TTN: variants seen among roughly 807,000 people sequenced by gnomAD.
TTN encodes titin, also known as connectin.
Under a neutral mutation model 3,223.0 loss-of-function variants are expected in TTN, and 1,525 were observed. The ratio of observed to expected loss-of-function variants is 0.47; its 90% CI spans 0.45 to 0.49. The LOEUF (loss-of-function observed/expected upper bound fraction) is 0.49. Among genes scored for constraint, TTN ranks in the 20% least tolerant of loss-of-function variants. The probability of loss-of-function intolerance (pLI) is 0.00; values close to 1 mark genes in which losing one functional copy is unlikely to be tolerated. For missense variants in TTN, 40,786 were observed against 43,424.0 expected, an observed-to-expected ratio of 0.94 and a Z score of 5.40; for synonymous variants, 14,094 against 15,161.0, an observed-to-expected ratio of 0.93 and a Z score of 5.17.
chr2:178,641,441 G>T, intron 219 of TTN, 126 bp from the exon 220 acceptor site: 1 of 551,930 alleles, frequency 1.8e-6, no homozygotes. Context: ...TAGCACTCTG[G>T]AAAGTAAGCA....
Position 178,593,442 on chromosome 2 carries a change from G to C in TTN, c.58766C>G (p.Thr19589Arg). 6.2e-7 allele frequency: 1 copy of C among 1,612,832 alleles called. No homozygotes were observed. The highest frequency in any genetic ancestry group is 1.1e-5 in the South Asian group (1 of 90,792). ...VPDAPDQPIV[T>R]EVTKDSALVT... ...TAATGCAGAGTCTTTGGTAACTTCT[G>C]TAACAATTGGCTGATCAGGTGCATC... Residue 19589 changes from threonine (T) to arginine (R), a missense_variant, in exon 299 of 363, where the codon ACA becomes AGA. By Grantham distance (71) the Thr-to-Arg change is moderately conservative. Coordinates refer to ENST00000589042, the MANE Select transcript of TTN (RefSeq NM_001267550.2).
At chr2:178,615,106 A>G in intron 259 of TTN, 138 bp from the exon 260 acceptor site, 1 of 991,600 alleles carries the variant, frequency 1.0e-6, no homozygotes, top group Non-Finnish European at 1.5e-6. Context: ...TCAACACTAT[A>G]ACTGAATACA....
In TTN at chr2:178,578,147, A is replaced by G; in HGVS notation, c.68368T>C (p.Trp22790Arg). 5 of 1,613,058 alleles carry G rather than the reference A, an allele frequency of 3.1e-6. No homozygotes were observed. Among genetic ancestry groups the G allele is most frequent in the Non-Finnish European group, 4.2e-6 (5 of 1,179,404 alleles). The change falls in exon 322 of 363, where the codon TGG becomes CGG. Residue 22790 changes from tryptophan (W) to arginine (R), a missense_variant. By Grantham distance (101) the Trp-to-Arg change is moderately radical. Transcript: ENST00000589042. ...LEFKERNSLL[W>R]KRANKTPIRM... ...ATCGGAGTCTTGTTAGCTCTCTTCCACAAAAGGCTGTTTCTTTCCTTGAAC... is the reference window on the plus strand; with the variant it reads ...ATCGGAGTCTTGTTAGCTCTCTTCCGCAAAAGGCTGTTTCTTTCCTTGAAC...
In TTN at chr2:178,577,666, A is replaced by ATTCT; in HGVS notation, c.68756_68759dup (p.Asn22920LysfsTer22). 2 of 1,613,276 alleles carry ATTCT rather than the reference A, an allele frequency of 1.2e-6. No individual in the cohort carries two copies. Among genetic ancestry groups the ATTCT allele is most frequent in the Non-Finnish European group, 1.7e-6 (2 of 1,179,568 alleles). On this transcript the variant is annotated frameshift_variant, in exon 323 of 363. Transcript: ENST00000589042. LOFTEE classifies it high-confidence loss of function. ...ATGGAGCACTGATAGCACCTGCTGT[A>ATTCT]TTCTTTGCTCTAATTCTGAATTCAT...
At position 178,709,623 on chromosome 2, in the gene TTN, A is replaced by T; in HGVS notation, c.28696T>A (p.Cys9566Ser). The change falls in exon 99 of 363, where the codon TGC becomes AGC. Residue 9566 changes from cysteine (C) to serine (S), a missense_variant. Cys to Ser is a moderately radical substitution (Grantham distance 112). Transcript: ENST00000589042. The stretch of plus-strand genomic sequence containing the variant: ...GAGCCTGCATCATTGGACACTTTGC[A>T]TGTGTACAAACCAGCGTCGTTCATG... ...AGMNDAGLYT[C>S]KVSNDAGSAL... The T allele has an allele frequency of 6.2e-7, 1 of 1,613,924 alleles. No individual in the cohort carries two copies. Among genetic ancestry groups the T allele is most frequent in the South Asian group, 1.1e-5 (1 of 91,086 alleles).
rs779957470 is a variant in TTN at position 178,731,218 on chromosome 2, G to C, written c.17462-15C>G. The C allele has an allele frequency of 6.2e-7, 1 of 1,611,520 alleles. No individual in the cohort carries two copies. Among genetic ancestry groups the C allele is most frequent in the South Asian group, 1.1e-5 (1 of 90,930 alleles). Reference sequence around the variant, plus strand: ...TGTTGCAGGTTCTGTAGAAAACAAAGGGATAGATGTGGGTTGTGCATTACC... The same window carrying C: ...TGTTGCAGGTTCTGTAGAAAACAAACGGATAGATGTGGGTTGTGCATTACC... On this transcript the variant is annotated splice_polypyrimidine_tract_variant and intron_variant, in intron 59 of 362. Transcript: ENST00000589042.
At position 178,682,557 on chromosome 2, in the gene TTN, C is replaced by T. The variant is rs557741735; in HGVS notation, c.33094+140G>A. ...TAGAAGTTATCAAAGAAGAAAATTCCGCATTTGCGAAATGAAACAAAGTTC... is the reference window on the plus strand; with the variant it reads ...TAGAAGTTATCAAAGAAGAAAATTCTGCATTTGCGAAATGAAACAAAGTTC... On this transcript the variant is annotated intron_variant, in intron 135 of 362. Coordinates refer to ENST00000589042, the MANE Select transcript of TTN (RefSeq NM_001267550.2). 6.8e-3 allele frequency: 5,272 copies of T among 773,144 alleles called. 26 individuals are homozygous for T. The highest frequency in any genetic ancestry group is 9.0e-3 in the South Asian group (360 of 40,014). The allele number at this position is 773,144 out of a possible 1,614,324, so 47.9% of individuals were successfully genotyped here. A position where few individuals can be genotyped will look rare whatever the true frequency, so the allele number is the denominator to read the frequency against.
At chr2:178,643,103 G>T (rs2061453047) in intron 218 of TTN, among the ~76,000 whole-genome samples, 1 of 151,666 alleles carries the variant, frequency 6.6e-6, no homozygotes. Context: ...AGGAACACGT[G>T]GTGATTATTA....
Position 178,583,921 on chromosome 2 carries a change from G to A in TTN, c.65276-15C>T, listed in dbSNP as rs2048335726. 5 of 1,524,864 alleles carry A rather than the reference G, an allele frequency of 3.3e-6. No individual in the cohort carries two copies. The highest frequency in any genetic ancestry group is 4.4e-6 in the Non-Finnish European group (5 of 1,132,596). 94.5% of individuals were successfully genotyped at this position (1,524,864 alleles called of 1,614,324 possible). On this transcript the variant is annotated splice_polypyrimidine_tract_variant and intron_variant, in intron 311 of 362. Coordinates refer to ENST00000589042, the MANE Select transcript of TTN (RefSeq NM_001267550.2). ...CCCAGGAGGATCTAAAACAAAAAGA[G>A]GTACACTCACCATTTATCTTACCAG...
chr2:178,749,443 G>T (rs746549384), intron 47 of TTN: 2 of 1,612,870 alleles, frequency 1.2e-6, no homozygotes, highest in African/African-American at 2.7e-5. Flanking sequence ...GCTCTTTCTG[G>T]TCTATTTGCT....
rs1220995770 is a variant in TTN, at chr2:178,778,448, A to C, written c.4208+426T>G. On this transcript the variant is annotated intron_variant, in intron 24 of 362. Coordinates refer to ENST00000589042, the MANE Select transcript of TTN (RefSeq NM_001267550.2). ...AAGCAAAACAAGACTCCATCTACAC[A>C]TTGCAGCCAGACTGACTTGGAGTTT... The C allele has an allele frequency of 9.9e-6, 3 of 302,350 alleles. No homozygotes were observed. The East Asian group carries it at 2.6e-4, about 26-fold the overall frequency. The allele number at this position is 302,350 out of a possible 1,614,324, so 18.7% of individuals were successfully genotyped here. A position where few individuals can be genotyped will look rare whatever the true frequency, so the allele number is the denominator to read the frequency against.
At position 178,775,378 on chromosome 2, in the gene TTN, A is replaced by C. The variant is rs2092105586; in HGVS notation, c.6486T>G (p.Ser2162Arg). The C allele has an allele frequency of 4.3e-6, 7 of 1,614,114 alleles. No homozygotes were observed. The highest frequency in any genetic ancestry group is 5.9e-6 in the Non-Finnish European group (7 of 1,180,008). The change falls in exon 28 of 363, where the codon AGT becomes AGG. Residue 2162 changes from serine to arginine, a missense_variant. Transcript: ENST00000589042. ...TACCTTGGACAAGTAAGAATGCGTG[A>C]CTGGAGGTTTCTCCAGCTATGTTGA... ...KAINIAGETS[S>R]HAFLLVQAKQ...
rs879139698 is a variant in TTN at position 178,593,640 on chromosome 2, T to A, written c.58660A>T (p.Ile19554Leu). 1.2e-6 allele frequency: 2 copies of A among 1,613,110 alleles called. No homozygotes were observed. Among genetic ancestry groups the A allele is most frequent in the African/African-American group, 2.7e-5 (2 of 75,050 alleles). ...ATTCCATACAGATTTTCAGCATGTA[T>A]CCGGAAAATATAATCTTTTCCTTCA... The part of the protein sequence containing the change: ...LLEGKDYIFR[I>L]HAENLYGISD... Residue 19554 changes from isoleucine (I) to leucine (L), a missense_variant, in exon 298 of 363, where the codon ATA becomes TTA. Physicochemically the swap from Ile to Leu is conservative, Grantham distance 5. Coordinates refer to ENST00000589042, the MANE Select transcript of TTN (RefSeq NM_001267550.2).
intron 117 of TTN, 152 bp downstream of exon 117, chr2:178,694,445 CAT>C (rs1448468622): frequency 4.0e-5 from 21 of 528,062 alleles, no homozygotes; most frequent in East Asian, 1.5e-4. Context: ...TTAAATTAAA[CAT>C]ATGTGCAACT....
intron 43 of TTN, among the ~76,000 whole-genome samples, chr2:178,760,428 G>T (rs936980690): frequency 6.6e-6 from 1 of 152,296 alleles, no homozygotes; most frequent in South Asian, 2.1e-4. Flanking sequence ...TATTCAGGAG[G>T]CTCAGGCAGG....
At chr2:178,586,212 A>T (rs551392361) in intron 308 of TTN, among the ~76,000 whole-genome samples, 1 of 152,086 alleles carries the variant, frequency 6.6e-6, no homozygotes, top group Non-Finnish European at 1.5e-5. Flanking sequence ...GCTTTTCTTC[A>T]TATGTTTGTT....
chr2:178,552,220 T>A lies in TTN; in HGVS notation c.90680A>T (p.Lys30227Met). 3 of 1,613,430 alleles carry A rather than the reference T, an allele frequency of 1.9e-6. No homozygotes were observed. The highest frequency in any genetic ancestry group is 1.7e-6 in the Non-Finnish European group (2 of 1,179,628). Residue 30227 changes from lysine to methionine, a missense_variant, in exon 335 of 363, where the codon AAG (lysine) becomes ATG (methionine). By Grantham distance (95) the Lys-to-Met change is moderately conservative. Transcript: ENST00000589042. ...ITVITLGPPSKPKGPIRFDEI... is the reference protein window; with the variant it reads ...ITVITLGPPSMPKGPIRFDEI... ...ATCAAATCGAATGGGTCCTTTGGGC[T>A]TTGATGGTGGGCCAAGGGTGATGAC...
Position 178,726,080 on chromosome 2 carries a change from T to C in TTN, c.20276-34A>G, listed in dbSNP as rs770619249. ...AACAAGAATTTCTCATGAATTGGGC[T>C]ACTGAATTTCACAAAATGAAAATTT... On this transcript the variant is annotated intron_variant, in intron 69 of 362. Coordinates refer to ENST00000589042, the MANE Select transcript of TTN (RefSeq NM_001267550.2). 6.7e-6 allele frequency: 10 copies of C among 1,493,410 alleles called. 1 individual carries two copies. In the South Asian group the frequency reaches 1.5e-4, roughly 22 times the overall value. The allele number at this position is 1,493,410 out of a possible 1,614,324, so 92.5% of individuals were successfully genotyped here.
Position 178,612,363 on chromosome 2 carries a change from T to C in TTN, c.50162A>G (p.Tyr16721Cys). Reference protein sequence around the residue: ...TVTPLTEGSLYVFRVAAENAI... With the variant: ...TVTPLTEGSLCVFRVAAENAI... ...ATTTTCTGCAGCAACTCGGAACACA[T>C]ATAAAGAGCCCTCAGTCAGTGGGGT... Residue 16721 changes from tyrosine (Y) to cysteine (C), a missense_variant, in exon 266 of 363, where the codon TAT becomes TGT. By Grantham distance (194) the Tyr-to-Cys change is radical. Coordinates refer to ENST00000589042, the MANE Select transcript of TTN (RefSeq NM_001267550.2). 1.2e-6 allele frequency: 2 copies of C among 1,612,474 alleles called. No homozygotes were observed. Among genetic ancestry groups the C allele is most frequent in the Non-Finnish European group, 1.7e-6 (2 of 1,179,148 alleles).
Sources: gnomAD v4.1 joint callset for allele counts (sites outside exome capture counted in the v4.1 genomes callset) on GRCh38, gnomAD v4.1.1 for gene constraint, MANE v1.5 for transcripts, NCBI Gene and HGNC (gene_info 2026-07-23, HGNC 2026-07-21) for gene names.